The following GPR35 variants were observed in gnomAD, a reference collection of about 807,000 sequenced individuals.
GPR35 encodes the protein G protein-coupled receptor 35, also known as KYNA receptor.
For synonymous variants in GPR35, 207 were observed against 198.4 expected (o/e 1.04, Z -0.36); for missense variants, 372 against 422.5 (o/e 0.88, Z 1.05).
upstream of GPR35, among the ~76,000 whole-genome samples, chr2:240,623,188 G>A (rs566498209): frequency 7.2e-5 from 11 of 152,358 alleles, no homozygotes; most frequent in South Asian, 2.1e-4. Context: ...CCAGGGCCCC[G>A]ACAGGGCAGG....
At chr2:240,626,486 G>A (rs1302813540) in intron 1 of GPR35, among the ~76,000 whole-genome samples, 1 of 152,018 alleles carries the variant, frequency 6.6e-6, no homozygotes, top group African/African-American at 2.4e-5. Flanking sequence ...GTCTCAGGTG[G>A]GCTGAGGCTG....
At chr2:240,623,376 G>A (rs868157802), upstream of GPR35, among the ~76,000 whole-genome samples, 139 of 125,322 alleles carry the variant, frequency 1.1e-3, 2 homozygotes, top group Non-Finnish European at 1.4e-3. Flanking sequence ...GCGCAAACAG[G>A]TCGTGAGGGC....
rs2043214093 is a variant in GPR35 at position 240,614,034 on chromosome 2, G to A, written c.-576-2354G>A. Among the ~76,000 whole-genome samples the A allele has an allele frequency of 2.0e-5, 3 of 148,516 alleles. No individual in the cohort carries two copies. In the South Asian group the frequency reaches 6.5e-4, roughly 32 times the overall value. On this transcript the variant is annotated intron_variant, in intron 2 of 5. Coordinates refer to the GPR35 transcript ENST00000319838. ...CCGAGCCCTAAACCTAATTAACAAT[G>A]CCTCATGTGGGCCCTAACGCTAACC... is the stretch of plus-strand genomic sequence containing the variant.
Position 240,625,951 on chromosome 2 carries a change from CTCAGAGCAGGGTGAGGCTGTGAT to C in GPR35, c.-5+384_-5+406del, listed in dbSNP as rs2043369263. ...GAGTGGGGTGAGGCTGTGATGGGTT[CTCAGAGCAGGGTGAGGCTGTGAT>C]GGGTTCTCAGAGCAGGGTGAGGCTG... On this transcript the variant is annotated intron_variant, in intron 1 of 1. Transcript: ENST00000407714. Among the ~76,000 whole-genome samples the C allele has an allele frequency of 2.2e-5, 2 of 92,398 alleles. 1 individual carries two copies. Among genetic ancestry groups the C allele is most frequent in the Non-Finnish European group, 4.7e-5 (2 of 42,874 alleles). The allele number at this position is 92,398 out of a possible 152,430, so 60.6% of individuals were successfully genotyped here. A position where few individuals can be genotyped will look rare whatever the true frequency, so the allele number is the denominator to read the frequency against.
intron 2 of GPR35, among the ~76,000 whole-genome samples, chr2:240,612,383 C>A (rs1187095016): frequency 7.0e-6 from 1 of 143,624 alleles, no homozygotes; most frequent in African/African-American, 2.6e-5. Context: ...GTGGAGATCA[C>A]GCCACTGCAC....
chr2:240,627,208 C>T (rs1008458061), intron 1 of GPR35, among the ~76,000 whole-genome samples: 2 of 152,164 alleles, frequency 1.3e-5, no homozygotes, highest in Non-Finnish European at 2.9e-5. Context: ...GATTCCTGTG[C>T]GGGACTGGGG....
At chr2:240,627,571 G>C (rs546498934) in intron 1 of GPR35, 1 of 147,234 alleles carries the variant, frequency 6.8e-6, no homozygotes, top group Admixed American at 6.8e-5. Flanking sequence ...GGCTCAAGCC[G>C]TCTTCCTGCC....
intron 2 of GPR35, among the ~76,000 whole-genome samples, chr2:240,608,469 T>G (rs188685474): frequency 1.3e-3 from 191 of 152,358 alleles, no homozygotes; most frequent in African/African-American, 4.4e-3. Flanking sequence ...AGAGTTTCTA[T>G]TATTCATGGA....
At chr2:240,609,776 GT>G (rs1202670381) in intron 2 of GPR35, among the ~76,000 whole-genome samples, 1 of 152,020 alleles carries the variant, frequency 6.6e-6, no homozygotes, top group African/African-American at 2.4e-5. Context: ...CTAATTTTTG[GT>G]TTACTTGTTC....
Position 240,630,209 on chromosome 2 carries a change from C to A in GPR35, c.257C>A (p.Thr86Lys). The A allele has an allele frequency of 2.5e-6, 4 of 1,574,266 alleles. No homozygotes were observed. Among genetic ancestry groups the A allele is most frequent in the South Asian group, 2.3e-5 (2 of 88,272 alleles). Residue 86 changes from threonine to lysine, a missense_variant, in exon 2 of 2, where the codon ACG (threonine) becomes AAG (lysine). Transcript: ENST00000407714. ...VLHSLRDTSD[T>K]PLCQLSQGIY... Reference sequence around the variant, plus strand: ...CACTCCCTGCGAGACACCTCAGACACGCCGCTGTGCCAGCTCTCCCAGGGC... The same window carrying A: ...CACTCCCTGCGAGACACCTCAGACAAGCCGCTGTGCCAGCTCTCCCAGGGC...
chr2:240,627,513 C>T (rs146469836), intron 1 of GPR35: 47 of 151,556 alleles, frequency 3.1e-4, no homozygotes, highest in Middle Eastern at 3.5e-3. Context: ...TCTCCTAAGG[C>T]TGGAGTGCAG....
At chr2:240,613,366 G>A (rs1323095110) in intron 2 of GPR35, among the ~76,000 whole-genome samples, 1 of 152,082 alleles carries the variant, frequency 6.6e-6, no homozygotes, top group East Asian at 1.9e-4. Flanking sequence ...GTGTAAAAGA[G>A]GCCCTGGACA....
At chr2:240,623,330 G>A (rs901525932), upstream of GPR35, among the ~76,000 whole-genome samples, 3 of 140,560 alleles carry the variant, frequency 2.1e-5, no homozygotes, top group African/African-American at 5.2e-5. Context: ...TCGTGAGGGC[G>A]CAAACAGGTC....
At chr2:240,622,295 T>C (rs949623927), upstream of GPR35, among the ~76,000 whole-genome samples, 4 of 152,156 alleles carry the variant, frequency 2.6e-5, no homozygotes, top group African/African-American at 9.7e-5. Context: ...GCTGTAAACA[T>C]CGTATGACCA....
intron 1 of GPR35, among the ~76,000 whole-genome samples, chr2:240,626,859 G>T (rs1394671533): frequency 6.6e-6 from 1 of 152,224 alleles, no homozygotes; most frequent in Non-Finnish European, 1.5e-5. Context: ...CCCGGGTCCA[G>T]ACAGGGGGAA....
chr2:240,624,436 A>G (rs2043345520), upstream of GPR35, among the ~76,000 whole-genome samples: 2 of 152,212 alleles, frequency 1.3e-5, no homozygotes. Context: ...ATGACAGCAG[A>G]GAAGGACCAA....
At position 240,630,622 on chromosome 2, in the gene GPR35, C is replaced by G; in HGVS notation, c.670C>G (p.Leu224Val). The change falls in exon 2 of 2, where the codon CTG becomes GTG. Residue 224 changes from leucine to valine, a missense_variant. Coordinates refer to ENST00000407714, the MANE Select transcript of GPR35 (RefSeq NM_005301.5). ...KAARMVWANL[L>V]VFVVCFLPLH... Reference sequence around the variant, plus strand: ...TGCCCGCATGGTCTGGGCCAACCTCCTGGTGTTCGTGGTCTGCTTCCTGCC... The same window carrying G: ...TGCCCGCATGGTCTGGGCCAACCTCGTGGTGTTCGTGGTCTGCTTCCTGCC... 1 of 1,612,956 alleles carries G rather than the reference C, an allele frequency of 6.2e-7. No homozygotes were observed. Among genetic ancestry groups the G allele is most frequent in the Non-Finnish European group, 8.5e-7 (1 of 1,180,010 alleles).
chr2:240,626,772 C>T (rs1015403772), intron 1 of GPR35, among the ~76,000 whole-genome samples: 2 of 152,074 alleles, frequency 1.3e-5, no homozygotes, highest in Non-Finnish European at 2.9e-5. Flanking sequence ...TCACTGCGTG[C>T]CCCCACGTCT....
intron 5 of GPR35, among the ~76,000 whole-genome samples, chr2:240,619,873 G>T (rs748954652): frequency 6.6e-6 from 1 of 152,156 alleles, no homozygotes; most frequent in East Asian, 1.9e-4. Flanking sequence ...TCTTAGGAGC[G>T]GGGCTCTTGG....
Sources: allele counts gnomAD v4.1 joint callset (sites outside exome capture counted in the v4.1 genomes callset), GRCh38; gene constraint gnomAD v4.1.1; transcripts MANE v1.5; gene names NCBI Gene and HGNC (gene_info 2026-07-23, HGNC 2026-07-21).